Variants in SH3KBP1 observed in about 807,000 individuals in gnomAD.
SH3KBP1 encodes SH3 domain-containing kinase-binding protein 1.
In SH3KBP1, 8 loss-of-function variants were observed where a neutral mutation model predicts 50.1. That is an observed-to-expected ratio of 0.16 (90% CI 0.09 to 0.29). SH3KBP1 has a LOEUF of 0.29. Ranked by LOEUF, SH3KBP1 falls within the 10% of genes least tolerant of loss-of-function variation. The probability of loss-of-function intolerance (pLI) is 1.00; values close to 1 mark genes in which losing one functional copy is unlikely to be tolerated. For missense variants in SH3KBP1, 377 were observed against 535.2 expected, an observed-to-expected ratio of 0.70 and a Z score of 2.92; for synonymous variants, 227 against 218.6, an observed-to-expected ratio of 1.04 and a Z score of -0.34.
intron 3 of SH3KBP1, among the ~76,000 whole-genome samples, chrX:19,744,546 A>G (rs2064865043): frequency 1.8e-5 from 2 of 112,048 alleles, no homozygotes; most frequent in Non-Finnish European, 3.8e-5. Flanking sequence ...ATGATTTGTT[A>G]TAGACTTCAT....
chrX:19,778,358 G>A lies in SH3KBP1; in HGVS notation c.163-31917C>T, dbSNP rs536926963. 6.6e-5 allele frequency among the ~76,000 whole-genome samples: 7 copies of A among 105,425 alleles called. No individual in the cohort carries two copies. In the Middle Eastern group the frequency reaches 0.014, roughly 214 times the overall value. The allele number at this position is 105,425 out of a possible 115,157, so 91.5% of individuals were successfully genotyped here. ...AGGCAGGAGAATTGCTTGAACCCAG[G>A]AGGCTGAGGTTACAGTGAGCCGAAA... On this transcript the variant is annotated intron_variant, in intron 2 of 17. Transcript: ENST00000397821.
intron 13 of SH3KBP1, among the ~76,000 whole-genome samples, chrX:19,566,579 A>G (rs190346580): frequency 1.8e-5 from 2 of 111,531 alleles, no homozygotes; most frequent in East Asian, 5.7e-4. Context: ...ACAGGGCCCA[A>G]ATACGAAACT....
At chrX:19,564,499 G>T in intron 13 of SH3KBP1, among the ~76,000 whole-genome samples, 2 of 110,158 alleles carry the variant, frequency 1.8e-5, no homozygotes, top group African/African-American at 6.6e-5. Flanking sequence ...GACTCAAATG[G>T]TATCATTTCA....
intron 1 of SH3KBP1, among the ~76,000 whole-genome samples, chrX:19,838,900 A>AG (rs1342117455): frequency 9.5e-5 from 10 of 104,864 alleles, no homozygotes; most frequent in African/African-American, 2.9e-4. Context: ...AAAAAAAAAA[A>AG]AAAAAAGAAA....
At chrX:19,554,284 TA>T (rs1342372016) in intron 13 of SH3KBP1, among the ~76,000 whole-genome samples, 4 of 87,264 alleles carry the variant, frequency 4.6e-5, no homozygotes, top group Non-Finnish European at 6.2e-5. Context: ...TATATCATAT[TA>T]AAATATATTA....
At chrX:19,875,900 C>T (rs1450831730) in intron 1 of SH3KBP1, among the ~76,000 whole-genome samples, 2 of 112,673 alleles carry the variant, frequency 1.8e-5, no homozygotes, top group African/African-American at 6.5e-5. Flanking sequence ...TGGGGTCCGG[C>T]TCCTCCAGCA....
chrX:19,694,363 C>A (rs1179422441), intron 5 of SH3KBP1, among the ~76,000 whole-genome samples: 1 of 111,318 alleles, frequency 9.0e-6, no homozygotes, highest in Non-Finnish European at 1.9e-5. Context: ...AGATCAAGGA[C>A]ACCTTCTCCC....
chrX:19,598,631 AG>A (rs2066984395), intron 9 of SH3KBP1, among the ~76,000 whole-genome samples: 1 of 111,381 alleles, frequency 9.0e-6, no homozygotes, highest in Non-Finnish European at 1.9e-5. Flanking sequence ...AGGCTATCAC[AG>A]GGCTGTTAGT....
Position 19,695,596 on chromosome X carries a change from G to C in SH3KBP1, c.520+16C>G. Reference sequence around the variant, plus strand: ...TCCCCCGCCCCTCTCCTGCTTGGTAGGGTAGACTTCCTTACTTGACTTGGA... The same window carrying C: ...TCCCCCGCCCCTCTCCTGCTTGGTACGGTAGACTTCCTTACTTGACTTGGA... On this transcript the variant is annotated intron_variant, in intron 5 of 17. Transcript: ENST00000397821. 1 of 1,208,561 alleles carries C rather than the reference G, an allele frequency of 8.3e-7. No individual in the cohort carries two copies. Among genetic ancestry groups the C allele is most frequent in the South Asian group, 1.8e-5 (1 of 56,724 alleles).
intron 14 of SH3KBP1, among the ~76,000 whole-genome samples, chrX:19,549,204 G>A (rs1164506800): frequency 8.9e-5 from 10 of 112,142 alleles, no homozygotes; most frequent in Non-Finnish European, 1.1e-4. Flanking sequence ...ACAACGATGC[G>A]TACTACGTAA....
chrX:19,753,789 GA>G (rs946406782), intron 2 of SH3KBP1, among the ~76,000 whole-genome samples: 5 of 111,215 alleles, frequency 4.5e-5, no homozygotes, highest in Non-Finnish European at 9.4e-5. Context: ...CTGTAAAGAA[GA>G]AAAAAAACAT....
chrX:19,542,257 G>A, intron 15 of SH3KBP1, 64 bp from the exon 16 acceptor site: 2 of 1,050,370 alleles, frequency 1.9e-6, no homozygotes, highest in South Asian at 4.7e-5. Context: ...CTTTGTCCTG[G>A]TTAGTCAAAC....
chrX:19,809,972 G>A (rs1176734023), intron 2 of SH3KBP1, among the ~76,000 whole-genome samples: 2 of 112,536 alleles, frequency 1.8e-5, no homozygotes, highest in East Asian at 2.8e-4. Flanking sequence ...TCAGATAATA[G>A]CAAATAAATG....
At chrX:19,700,827 G>C (rs947405451) in intron 4 of SH3KBP1, among the ~76,000 whole-genome samples, 7 of 111,798 alleles carry the variant, frequency 6.3e-5, no homozygotes, top group Non-Finnish European at 1.1e-4. Flanking sequence ...TAATTCTTGT[G>C]TAGTTCATTG....
intron 6 of SH3KBP1, chrX:19,664,753 G>C (rs970198798): frequency 1.8e-5 from 2 of 112,109 alleles, no homozygotes; most frequent in Non-Finnish European, 3.8e-5. Flanking sequence ...TGTGGGCATA[G>C]AGTTACCAGC....
chrX:19,799,528 CCAAATTCCCCATCA>C (rs1451566921), intron 2 of SH3KBP1: 5 of 832,186 alleles, frequency 6.0e-6, no homozygotes, highest in Non-Finnish European at 7.2e-6. Flanking sequence ...TGGCCTGAGA[CCAAATTCCCCATCA>C]TGCCTCCCTC....
chrX:19,756,471 G>A (rs1239847182), intron 2 of SH3KBP1, among the ~76,000 whole-genome samples: 2 of 111,040 alleles, frequency 1.8e-5, no homozygotes, highest in Admixed American at 1.9e-4. Flanking sequence ...TTATCTGTCA[G>A]ATTGTCAACA....
intron 2 of SH3KBP1, among the ~76,000 whole-genome samples, chrX:19,767,199 C>T (rs1225535294): frequency 2.7e-5 from 3 of 111,876 alleles, no homozygotes; most frequent in African/African-American, 9.8e-5. Context: ...GAAGCTAAGG[C>T]CATTCATTCT....
chrX:19,724,769 T>C (rs1013515957), intron 3 of SH3KBP1, among the ~76,000 whole-genome samples: 4 of 112,429 alleles, frequency 3.6e-5, no homozygotes, highest in Admixed American at 9.4e-5. Context: ...ACAAGAGACA[T>C]GGCTAAGGTT....
Sources: allele counts gnomAD v4.1 joint callset (sites outside exome capture counted in the v4.1 genomes callset), GRCh38; gene constraint gnomAD v4.1.1; transcripts MANE v1.5; gene names NCBI Gene and HGNC (gene_info 2026-07-23, HGNC 2026-07-21).